ANXA10: variants seen among roughly 807,000 people sequenced by gnomAD.
ANXA10 encodes annexin 14.
A neutral mutation model predicts 53.5 loss-of-function variants in ANXA10; 49 were observed. The ratio of observed to expected loss-of-function variants is 0.92; its 90% CI spans 0.73 to 1.16. The LOEUF is 1.16. Ranked by LOEUF, ANXA10 falls within the 50% of genes most tolerant of loss-of-function variation. The pLI is 0.00. For missense variants in ANXA10, 393 were observed against 394.4 expected (o/e 1.00, Z 0.03); for synonymous variants, 131 against 128.9 (o/e 1.02, Z -0.11).
chr4:168,136,086 A>C (rs772238164), intron 2 of ANXA10, among the ~76,000 whole-genome samples: 5 of 152,090 alleles, frequency 3.3e-5, no homozygotes, highest in Non-Finnish European at 7.4e-5. Context: ...AGATCTCATG[A>C]GAACTCACTC....
intron 1 of ANXA10, among the ~76,000 whole-genome samples, chr4:168,114,695 A>G (rs1437623589): frequency 2.6e-5 from 4 of 151,996 alleles, no homozygotes; most frequent in Non-Finnish European, 5.9e-5. Flanking sequence ...CTATGTGTCC[A>G]TGTGTTCTCA....
intron 1 of ANXA10, among the ~76,000 whole-genome samples, chr4:168,099,747 G>A (rs1044410302): frequency 2.0e-5 from 3 of 151,942 alleles, no homozygotes; most frequent in African/African-American, 7.3e-5. Context: ...ATGACTTAGT[G>A]GACTTGGTCT....
intron 2 of ANXA10, among the ~76,000 whole-genome samples, chr4:168,130,646 G>T (rs547280692): frequency 6.6e-6 from 1 of 152,030 alleles, no homozygotes; most frequent in African/African-American, 2.4e-5. Flanking sequence ...TTAAGTTTTT[G>T]ATAGATATGG....
chr4:168,103,200 G>T (rs1440489433), intron 1 of ANXA10, among the ~76,000 whole-genome samples: 5 of 151,668 alleles, frequency 3.3e-5, no homozygotes, highest in Non-Finnish European at 5.9e-5. Context: ...TTTTCATTAT[G>T]GATCATATTT....
chr4:168,156,224 GTATTA>G (rs1731669266), intron 3 of ANXA10, among the ~76,000 whole-genome samples: 2 of 7,406 alleles, frequency 2.7e-4, no homozygotes, highest in South Asian at 6.8e-3. Context: ...TATGTAATAT[GTATTA>G]TATTATATAT....
intron 1 of ANXA10, among the ~76,000 whole-genome samples, chr4:168,095,272 T>C (rs1364645510): frequency 1.3e-5 from 2 of 152,040 alleles, no homozygotes; most frequent in African/African-American, 4.8e-5. Flanking sequence ...CCCTTGTTCA[T>C]ACAGTAGCAT....
chr4:168,136,494 G>T (rs953983543), intron 2 of ANXA10, among the ~76,000 whole-genome samples: 1 of 152,144 alleles, frequency 6.6e-6, no homozygotes, highest in Non-Finnish European at 1.5e-5. Flanking sequence ...AAAACAAAGG[G>T]ACTAGAGGCC....
chr4:168,113,988 C>T (rs1730850758), intron 1 of ANXA10, among the ~76,000 whole-genome samples: 1 of 152,106 alleles, frequency 6.6e-6, no homozygotes, highest in Admixed American at 6.6e-5. Flanking sequence ...TATAACCTTT[C>T]TCTCTGGATT....
chr4:168,173,067 G>A (rs1020522964), intron 6 of ANXA10, among the ~76,000 whole-genome samples: 1 of 152,124 alleles, frequency 6.6e-6, no homozygotes, highest in African/African-American at 2.4e-5. Flanking sequence ...TGGGATTACA[G>A]GCATGAGCCA....
chr4:168,150,329 C>T (rs1426447871), intron 3 of ANXA10, among the ~76,000 whole-genome samples: 2 of 152,184 alleles, frequency 1.3e-5, no homozygotes, highest in Non-Finnish European at 2.9e-5. Flanking sequence ...GCGAAAATAT[C>T]TGTAAAATGA....
chr4:168,170,178 T>C (rs1313669801), intron 6 of ANXA10, among the ~76,000 whole-genome samples: 1 of 152,170 alleles, frequency 6.6e-6, no homozygotes, highest in African/African-American at 2.4e-5. Flanking sequence ...CACACAATAT[T>C]TTATCACTGG....
chr4:168,156,183 T>TTATA lies in ANXA10; in HGVS notation c.196-6341_196-6338dup, dbSNP rs1553957748. On this transcript the variant is annotated intron_variant, in intron 3 of 11. Transcript: ENST00000359299. ...TATATTATATATATTATATTATATA[T>TTATA]TATATATTATATATAATATATATTA... 6.0e-3 allele frequency among the ~76,000 whole-genome samples: 268 copies of TTATA among 45,026 alleles called. 3 individuals are homozygous for TTATA. The highest frequency in any genetic ancestry group is 0.024 in the African/African-American group (231 of 9,760). The allele number at this position is 45,026 out of a possible 152,430, so 29.5% of individuals were successfully genotyped here.
intron 3 of ANXA10, among the ~76,000 whole-genome samples, chr4:168,161,371 G>C (rs998484788): frequency 1.3e-5 from 2 of 152,110 alleles, no homozygotes; most frequent in Non-Finnish European, 2.9e-5. Context: ...GATGGTTGTA[G>C]CTATGTGGTC....
intron 2 of ANXA10, among the ~76,000 whole-genome samples, chr4:168,128,984 A>G (rs545720564): frequency 1.3e-5 from 2 of 151,956 alleles, no homozygotes; most frequent in South Asian, 4.1e-4. Context: ...TATCATATGG[A>G]GGTATTAAAC....
Position 168,184,543 on chromosome 4 carries a change from T to C in ANXA10, c.784-16T>C, listed in dbSNP as rs1184792222. ...ATGCTGTCTTCTCATTTCTCCCACT[T>C]TTCTGTATCTTTTAGGACTTTGGTT... On this transcript the variant is annotated splice_polypyrimidine_tract_variant and intron_variant, in intron 10 of 11. Transcript: ENST00000359299. 1 of 1,613,094 alleles carries C rather than the reference T, an allele frequency of 6.2e-7. No homozygotes were observed. Among genetic ancestry groups the C allele is most frequent in the Non-Finnish European group, 8.5e-7 (1 of 1,179,496 alleles).
chr4:168,107,457 T>G lies in ANXA10; in HGVS notation c.18+14739T>G, dbSNP rs184604872. ...AAATGTTTTTATCAGATAGTTTAAT[T>G]AATTAAACTAAGGATAATTACTGGT... On this transcript the variant is annotated intron_variant, in intron 1 of 11. Coordinates refer to ENST00000359299, the MANE Select transcript of ANXA10 (RefSeq NM_007193.5). Among the ~76,000 whole-genome samples, 363 of 152,330 alleles carry G rather than the reference T, an allele frequency of 2.4e-3. 2 individuals carry two copies. Among genetic ancestry groups the G allele is most frequent in the African/African-American group, 8.1e-3 (337 of 41,564 alleles).
chr4:168,110,444 CT>C (rs70957898), intron 1 of ANXA10, among the ~76,000 whole-genome samples: 1,568 of 127,474 alleles, frequency 0.012, 8 homozygotes, highest in African/African-American at 0.02. Flanking sequence ...TGTGTTAATT[CT>C]TTTTTTTTTT....
Position 168,187,402 on chromosome 4 carries a change from G to C in ANXA10, c.943G>C (p.Ala315Pro). 6.3e-7 allele frequency: 1 copy of C among 1,598,900 alleles called. No homozygotes were observed. Among genetic ancestry groups the C allele is most frequent in the Non-Finnish European group, 8.5e-7 (1 of 1,171,422 alleles). ...ASGHYKKALL[A>P]ICAGDAEDY ...AGGGCATTATAAGAAAGCACTGCTT[G>C]CCATCTGTGCTGGTGATGCTGAGGA... The change falls in exon 12 of 12, where the codon GCC (alanine) becomes CCC (proline). Residue 315 changes from alanine to proline, a missense_variant. By Grantham distance (27) the Ala-to-Pro change is conservative (BLOSUM62 -1). Coordinates refer to ENST00000359299, the MANE Select transcript of ANXA10 (RefSeq NM_007193.5).
intron 3 of ANXA10, among the ~76,000 whole-genome samples, chr4:168,156,367 TA>T: frequency 7.1e-5 from 1 of 14,078 alleles, no homozygotes. Context: ...TATTATATAG[TA>T]TATATAATAT....
Sources: allele counts gnomAD v4.1 joint callset (sites outside exome capture counted in the v4.1 genomes callset), GRCh38; gene constraint gnomAD v4.1.1; transcripts MANE v1.5; gene names NCBI Gene and HGNC (gene_info 2026-07-23, HGNC 2026-07-21).